The following RARB variants were observed in gnomAD, a reference collection of about 807,000 sequenced individuals.
RARB encodes the protein retinoic acid receptor beta, also known as HBV-activated protein.
Under a neutral mutation model 51.9 loss-of-function variants are expected in RARB, and 17 were observed. That is an observed-to-expected ratio of 0.33 (90% confidence interval 0.22 to 0.49). The LOEUF is 0.49. Among genes scored for constraint, RARB ranks in the 20% least tolerant of loss-of-function variants. The probability of loss-of-function intolerance (pLI) is 0.99; values close to 1 mark genes in which losing one functional copy is unlikely to be tolerated. For synonymous variants in RARB, 215 were observed against 195.4 expected (o/e 1.10, Z -0.84); for missense variants, 369 against 550.8 (o/e 0.67, Z 3.30).
At chr3:25,482,460 C>G (rs1181608261) in intron 2 of RARB, among the ~76,000 whole-genome samples, 1 of 141,432 alleles carries the variant, frequency 7.1e-6, no homozygotes, top group Non-Finnish European at 1.5e-5. Flanking sequence ...CACTGTTCAA[C>G]AGAAATATGC....
intron 5 of RARB, among the ~76,000 whole-genome samples, chr3:25,586,559 C>A (rs1179592593): frequency 1.3e-5 from 2 of 152,238 alleles, no homozygotes; most frequent in South Asian, 2.1e-4. Flanking sequence ...CCCTACAAGA[C>A]ACACGGCTTC....
In RARB at chr3:25,428,639, A is replaced by T. The variant is rs1459986627; in HGVS notation, c.-93A>T. ...ACAGCCTACGTGCCAAAAAAGGGGC[A>T]GAGTTTGATGGAGTTGGGTGGACTT... On this transcript the variant is annotated 5_prime_UTR_variant, in exon 1 of 8. It introduces an in-frame stop codon into an upstream open reading frame of the 5' UTR. Coordinates refer to ENST00000330688, the MANE Select transcript of RARB (RefSeq NM_000965.5). 1 of 1,461,208 alleles carries T rather than the reference A, an allele frequency of 6.8e-7. No homozygotes were observed. Among genetic ancestry groups the T allele is most frequent in the African/African-American group, 1.4e-5 (1 of 71,152 alleles). 90.5% of individuals were successfully genotyped at this position (1,461,208 alleles called of 1,614,324 possible). A position where few individuals can be genotyped will look rare whatever the true frequency, so the allele number is the denominator to read the frequency against.
At chr3:25,454,666 G>A (rs1216292218) in intron 1 of RARB, among the ~76,000 whole-genome samples, 2 of 150,106 alleles carry the variant, frequency 1.3e-5, no homozygotes, top group Admixed American at 6.7e-5. Flanking sequence ...TTAGCCAGCC[G>A]TAAATTAGCT....
intron 3 of RARB, among the ~76,000 whole-genome samples, chr3:25,558,983 C>T (rs1156242062): frequency 6.6e-6 from 1 of 152,076 alleles, no homozygotes; most frequent in Non-Finnish European, 1.5e-5. Flanking sequence ...TCAGTGACAC[C>T]AGCCACTCCA....
chr3:25,085,282 C>G lies in RARB; in HGVS notation c.-328+25106C>G, dbSNP rs115907683. 5.2e-3 allele frequency among the ~76,000 whole-genome samples: 795 copies of G among 152,204 alleles called. 4 individuals are homozygous for G. Among genetic ancestry groups the G allele is most frequent in the African/African-American group, 0.018 (762 of 41,544 alleles). ...GTAAGCCATAAAATGGTAACACATC[C>G]TACATTGAAGCATGAACTAATCATT... On this transcript the variant is annotated intron_variant, in intron 3 of 11. Transcript: ENST00000383772.
At chr3:25,183,770 A>G (rs1361255320) in intron 5 of RARB, among the ~76,000 whole-genome samples, 2 of 152,146 alleles carry the variant, frequency 1.3e-5, no homozygotes, top group African/African-American at 4.8e-5. Flanking sequence ...CAGTCTTTCA[A>G]CAGTCAAATT....
rs181454567 is a variant in RARB, at chr3:25,543,783, G to T, written c.449-25975G>T. Among the ~76,000 whole-genome samples, 4 of 152,250 alleles carry T rather than the reference G, an allele frequency of 2.6e-5. No individual in the cohort carries two copies. In the East Asian group the frequency reaches 7.7e-4, roughly 29 times the overall value. ...CTCCCCACAGGGAGGAGCAAGATTG[G>T]AAATGCAAAAGTAACCTTCCATAGA... On this transcript the variant is annotated intron_variant, in intron 3 of 7. Transcript: ENST00000330688.
rs1042983945 is a variant in RARB, at chr3:25,203,629, G to T, written c.178+29054G>T. On this transcript the variant is annotated intron_variant, in intron 5 of 11. Coordinates refer to the RARB transcript ENST00000383772. ...GGAGCTCTTGTAGGGCAGGCCTGGT[G>T]GTGACAAAATCTCTCAGCATTTGCT... Among the ~76,000 whole-genome samples the T allele has an allele frequency of 1.9e-4, 29 of 152,194 alleles. 1 individual carries two copies. In the East Asian group the frequency reaches 3.5e-3, roughly 18 times the overall value.
At chr3:25,501,400 A>AGG in intron 3 of RARB, 77 bp downstream of exon 3, 2 of 1,544,096 alleles carry the variant, frequency 1.3e-6, no homozygotes, top group Non-Finnish European at 1.7e-6. Context: ...GTCATGTGGA[A>AGG]TTCACACACG....
chr3:25,520,141 C>T (rs1016027005), intron 3 of RARB, among the ~76,000 whole-genome samples: 5 of 152,176 alleles, frequency 3.3e-5, no homozygotes, highest in African/African-American at 1.2e-4. Flanking sequence ...GCCATACTGC[C>T]CACAAAACCT....
At chr3:25,271,440 A>G (rs2125411560) in intron 5 of RARB, among the ~76,000 whole-genome samples, 1 of 152,352 alleles carries the variant, frequency 6.6e-6, no homozygotes, top group East Asian at 1.9e-4. Context: ...AGAAGTGACC[A>G]GAAAATTTAG....
chr3:25,561,777 G>A (rs769279483), intron 3 of RARB, among the ~76,000 whole-genome samples: 4 of 152,052 alleles, frequency 2.6e-5, no homozygotes, highest in Admixed American at 6.6e-5. Flanking sequence ...TGAAAGATCC[G>A]GCCATTATAT....
chr3:25,073,855 T>A (rs1301869965), intron 3 of RARB, among the ~76,000 whole-genome samples: 1 of 152,172 alleles, frequency 6.6e-6, no homozygotes, highest in East Asian at 1.9e-4. Context: ...TCAACTATCT[T>A]GTGAATTAGA....
intron 2 of RARB, among the ~76,000 whole-genome samples, chr3:25,492,982 C>CTT (rs78647402): frequency 2.9e-5 from 4 of 140,288 alleles, no homozygotes; most frequent in African/African-American, 5.2e-5. Context: ...GATTTATTAC[C>CTT]TTTTTTTTTT....
At chr3:25,576,692 C>A (rs61629289) in intron 4 of RARB, among the ~76,000 whole-genome samples, 34,654 of 152,050 alleles carry the variant, frequency 0.23, 4,290 homozygotes, top group East Asian at 0.33. Context: ...ACCCTCCCTA[C>A]CTGCCCTCTC....
intron 5 of RARB, among the ~76,000 whole-genome samples, chr3:25,356,138 T>C (rs925038078): frequency 1.3e-5 from 2 of 152,172 alleles, no homozygotes. Flanking sequence ...GCTGTATCTA[T>C]AGCGATGTTA....
chr3:25,032,952 C>G (rs1166034096), intron 2 of RARB, among the ~76,000 whole-genome samples: 1 of 152,192 alleles, frequency 6.6e-6, no homozygotes. Flanking sequence ...AACCCATAAG[C>G]AGTACTCAGT....
intron 5 of RARB, among the ~76,000 whole-genome samples, chr3:25,333,258 G>T (rs1242833659): frequency 2.6e-5 from 4 of 152,012 alleles, no homozygotes; most frequent in African/African-American, 4.8e-5. Flanking sequence ...GAGGCATCAC[G>T]CTACCTGACT....
intron 5 of RARB, among the ~76,000 whole-genome samples, chr3:25,419,728 A>C (rs77006986): frequency 0.016 from 2,475 of 152,334 alleles, 66 homozygotes; most frequent in African/African-American, 0.054. Context: ...GAATCACTGC[A>C]GCAGATCCTA....
Sources: gnomAD v4.1 joint callset for allele counts (sites outside exome capture counted in the v4.1 genomes callset) on GRCh38, gnomAD v4.1.1 for gene constraint, MANE v1.5 for transcripts, NCBI Gene and HGNC (gene_info 2026-07-23, HGNC 2026-07-21) for gene names.